POLR3B: variants seen among roughly 807,000 people sequenced by gnomAD.
POLR3B encodes DNA-directed RNA polymerase III subunit RPC2.
In POLR3B, 96 loss-of-function variants were observed where a neutral mutation model predicts 147.4. That is an observed-to-expected ratio of 0.65 (90% confidence interval 0.55 to 0.77). POLR3B has a LOEUF of 0.77. Ranked by LOEUF, POLR3B falls within the 30% of genes least tolerant of loss-of-function variation. The pLI, the probability that POLR3B is intolerant of heterozygous loss-of-function variation, is 0.00. For missense variants in POLR3B, 1,036 were observed against 1,413.5 expected (o/e 0.73, Z 4.28); for synonymous variants, 461 against 485.9 (o/e 0.95, Z 0.67).
Position 106,371,588 on chromosome 12 carries a change from A to G in POLR3B, c.404+1905A>G, listed in dbSNP as rs546166167. Among the ~76,000 whole-genome samples the G allele has an allele frequency of 1.3e-3, 194 of 149,780 alleles. 1 individual carries two copies. The highest frequency in any genetic ancestry group is 6.9e-3 in the Middle Eastern group (2 of 288). ...GATTAAGAAAATGTGGCACATATACACCATGGAATACTATGCAGCCATAAA... is the reference window on the plus strand; with the variant it reads ...GATTAAGAAAATGTGGCACATATACGCCATGGAATACTATGCAGCCATAAA... On this transcript the variant is annotated intron_variant, in intron 6 of 27. Coordinates refer to ENST00000228347, the MANE Select transcript of POLR3B (RefSeq NM_018082.6).
Position 106,372,559 on chromosome 12 carries a change from A to G in POLR3B, c.404+2876A>G, listed in dbSNP as rs534176181. Among the ~76,000 whole-genome samples, 8 of 151,912 alleles carry G rather than the reference A, an allele frequency of 5.3e-5. No individual in the cohort carries two copies. In the South Asian group the frequency reaches 1.7e-3, roughly 32 times the overall value. ...TTTCACCACGTTGGCCAGGCTGGTC[A>G]TGAACTCCTGACCTCATGTGATCCA... On this transcript the variant is annotated intron_variant, in intron 6 of 27. Coordinates refer to ENST00000228347, the MANE Select transcript of POLR3B (RefSeq NM_018082.6).
At chr12:106,500,204 G>A (rs537100279) in intron 25 of POLR3B, 2 of 453,520 alleles carry the variant, frequency 4.4e-6, no homozygotes, top group South Asian at 3.1e-5. Flanking sequence ...AAAGTTTGAG[G>A]CAGTTAAAAA....
chr12:106,500,818 A>G (rs2038587748), intron 25 of POLR3B, among the ~76,000 whole-genome samples: 1 of 152,186 alleles, frequency 6.6e-6, no homozygotes, highest in South Asian at 2.1e-4. Context: ...GAACTGGAGT[A>G]TGTCTCACCA....
At chr12:106,465,210 A>T (rs1314629612) in intron 23 of POLR3B, among the ~76,000 whole-genome samples, 1 of 152,192 alleles carries the variant, frequency 6.6e-6, no homozygotes, top group African/African-American at 2.4e-5. Flanking sequence ...ATTGTGGGGT[A>T]ACCTTAACCT....
Position 106,433,739 on chromosome 12 carries a change from C to G in POLR3B, c.1648C>G (p.Arg550Gly). Residue 550 changes from arginine (R) to glycine (G), a missense_variant, in exon 16 of 28, where the codon CGA becomes GGA. Transcript: ENST00000228347. ...FLNGNILGVI[R>G]DHKKLVNTFR... The stretch of plus-strand genomic sequence containing the variant: ...CCTAGGTAACATCTTAGGTGTCATT[C>G]GAGACCACAAAAAGCTAGTGAATAC... 6.2e-7 allele frequency: 1 copy of G among 1,613,246 alleles called. No homozygotes were observed. The highest frequency in any genetic ancestry group is 8.5e-7 in the Non-Finnish European group (1 of 1,179,648).
intron 10 of POLR3B, among the ~76,000 whole-genome samples, chr12:106,398,212 T>C (rs971313258): frequency 2.6e-5 from 4 of 152,242 alleles, no homozygotes; most frequent in African/African-American, 9.6e-5. Context: ...GAGGGTCCTA[T>C]GCCCACGGAG....
At chr12:106,437,644 C>T (rs759331411) in intron 17 of POLR3B, 37 bp from the exon 18 acceptor site, 5 of 1,225,778 alleles carry the variant, frequency 4.1e-6, no homozygotes, top group Admixed American at 1.7e-5. Flanking sequence ...CAGAAAAATG[C>T]TTTTTAATGA....
intron 4 of POLR3B, among the ~76,000 whole-genome samples, chr12:106,368,331 G>A (rs1409975646): frequency 1.3e-5 from 2 of 151,968 alleles, no homozygotes; most frequent in African/African-American, 4.8e-5. Flanking sequence ...GTAGAGCTCA[G>A]AAATATGTGT....
At chr12:106,372,556 G>A (rs2036622731) in intron 6 of POLR3B, among the ~76,000 whole-genome samples, 1 of 151,888 alleles carries the variant, frequency 6.6e-6, no homozygotes, top group South Asian at 2.1e-4. Context: ...GGCCAGGCTG[G>A]TCATGAACTC....
intron 13 of POLR3B, among the ~76,000 whole-genome samples, chr12:106,429,836 A>C (rs1342280196): frequency 6.6e-6 from 1 of 152,172 alleles, no homozygotes; most frequent in African/African-American, 2.4e-5. Context: ...ACTTTGGAAA[A>C]CATCCAAATA....
intron 23 of POLR3B, among the ~76,000 whole-genome samples, chr12:106,467,804 G>C (rs555296424): frequency 2.0e-5 from 3 of 152,108 alleles, no homozygotes; most frequent in Non-Finnish European, 4.4e-5. Flanking sequence ...GGATGAAGCC[G>C]ACTTGATCGT....
intron 19 of POLR3B, among the ~76,000 whole-genome samples, chr12:106,444,889 T>C (rs1460890600): frequency 6.6e-6 from 1 of 152,136 alleles, no homozygotes; most frequent in Admixed American, 6.5e-5. Flanking sequence ...AGAAAAGCCC[T>C]ATAAGATGTA....
chr12:106,360,759 A>G (rs2036458836), intron 1 of POLR3B, among the ~76,000 whole-genome samples: 1 of 152,260 alleles, frequency 6.6e-6, no homozygotes, highest in Admixed American at 6.5e-5. Context: ...GTTACTGAGT[A>G]CTTACCTGGT....
chr12:106,460,391 G>A (rs1278506899), intron 22 of POLR3B, among the ~76,000 whole-genome samples: 2 of 152,198 alleles, frequency 1.3e-5, no homozygotes, highest in Non-Finnish European at 2.9e-5. Context: ...AGATAAGATG[G>A]AAGCAAGGAG....
In POLR3B at chr12:106,398,593, G is replaced by A. The variant is rs552844086; in HGVS notation, c.846+5440G>A. On this transcript the variant is annotated intron_variant, in intron 10 of 27. Coordinates refer to ENST00000228347, the MANE Select transcript of POLR3B (RefSeq NM_018082.6). The stretch of plus-strand genomic sequence containing the variant: ...CTGGGAGGCACCCCCCAGTAGGGGC[G>A]GACTGACACCTCACACGGCCAGGTA... Among the ~76,000 whole-genome samples, 617 of 152,266 alleles carry A rather than the reference G, an allele frequency of 4.1e-3. 2 individuals carry two copies. Among genetic ancestry groups the A allele is most frequent in the Middle Eastern group, 6.8e-3 (2 of 294 alleles).
intron 12 of POLR3B, among the ~76,000 whole-genome samples, chr12:106,425,380 G>A (rs2037422316): frequency 6.6e-6 from 1 of 152,116 alleles, no homozygotes; most frequent in African/African-American, 2.4e-5. Context: ...CTCTTCCGGG[G>A]GTAGACTGTT....
intron 11 of POLR3B, among the ~76,000 whole-genome samples, chr12:106,407,405 A>G (rs185436971): frequency 3.2e-4 from 49 of 152,240 alleles, no homozygotes; most frequent in Non-Finnish European, 6.8e-4. Flanking sequence ...AAAGCTCTGT[A>G]TTTTCCACAG....
At chr12:106,500,418 G>A (rs1474209496) in intron 25 of POLR3B, among the ~76,000 whole-genome samples, 3 of 152,138 alleles carry the variant, frequency 2.0e-5, no homozygotes, top group Admixed American at 6.5e-5. Context: ...TGGAGCCACC[G>A]TGACAAAGGA....
chr12:106,378,407 C>T (rs750555479), intron 8 of POLR3B, 23 bp downstream of exon 8: 10 of 1,445,022 alleles, frequency 6.9e-6, no homozygotes, highest in Non-Finnish European at 9.7e-6. Flanking sequence ...GAGATGGTGT[C>T]CTTAAGCAAT....
Sources: gnomAD v4.1 joint callset for allele counts (sites outside exome capture counted in the v4.1 genomes callset) on GRCh38, gnomAD v4.1.1 for gene constraint, MANE v1.5 for transcripts, NCBI Gene and HGNC (gene_info 2026-07-23, HGNC 2026-07-21) for gene names.